SNAPC4: variants seen among roughly 807,000 people sequenced by gnomAD.
The protein encoded by SNAPC4 is snRNA-activating protein complex subunit 4.
A neutral mutation model predicts 151.3 loss-of-function variants in SNAPC4; 127 were observed. The observed-to-expected ratio is 0.84, with a 90% CI of 0.73 to 0.97. The LOEUF is 0.97. Among genes scored for constraint, SNAPC4 ranks in the 50% least tolerant of loss-of-function variants. SNAPC4 has a pLI of 0.00. For missense variants in SNAPC4, 2,186 were observed against 1,935.0 expected (o/e 1.13, Z -2.43); for synonymous variants, 1,002 against 824.4 (o/e 1.22, Z -3.69).
chr9:136,398,232 G>A (rs1588771143), intron 2 of SNAPC4, 67 bp downstream of exon 2: 2 of 1,536,748 alleles, frequency 1.3e-6, no homozygotes, highest in Middle Eastern at 2.2e-4. Flanking sequence ...ATGTGCCTGA[G>A]AGGAACCCAG....
chr9:136,394,392 C>T (rs1053356506), intron 6 of SNAPC4, 62 bp from the exon 7 acceptor site: 176 of 1,450,316 alleles, frequency 1.2e-4, no homozygotes, highest in East Asian at 5.0e-4. Context: ...CCAGCCCCCA[C>T]GGTTGGTGTG....
intron 10 of SNAPC4, among the ~76,000 whole-genome samples, chr9:136,390,886 G>A (rs1236533956): frequency 6.6e-6 from 1 of 150,980 alleles, no homozygotes; most frequent in Non-Finnish European, 1.5e-5. Flanking sequence ...CCAGGCTGGA[G>A]TGCAGTGGCG....
intron 16 of SNAPC4, 142 bp from the exon 17 acceptor site, chr9:136,382,478 C>T (rs1001499089): frequency 2.2e-5 from 16 of 728,558 alleles, no homozygotes; most frequent in African/African-American, 1.9e-4. Flanking sequence ...CTCATGGGAA[C>T]GTCCACCATG....
At chr9:136,393,393 G>C (rs1352247156) in intron 7 of SNAPC4, among the ~76,000 whole-genome samples, 1 of 152,222 alleles carries the variant, frequency 6.6e-6, no homozygotes, top group African/African-American at 2.4e-5. Context: ...AAGACAGATG[G>C]GGACCTGCTG....
Position 136,378,608 on chromosome 9 carries a change from G to T in SNAPC4, c.3219C>A (p.Pro1073=). 1 of 1,574,524 alleles carries T rather than the reference G, an allele frequency of 6.4e-7. No homozygotes were observed. Among genetic ancestry groups the T allele is most frequent in the East Asian group, 2.3e-5 (1 of 43,418 alleles). ...IGGPHVATSV[P]LPVTWVLTAQ... is the part of the protein sequence containing the mutation. ...CTGTGAGCACCCAGGTGACAGGCAG[G>T]GGGACACTGGTCGCCACATGTGGCC... The change falls in exon 22 of 24, where the codon CCC becomes CCA. Residue 1073 remains proline (P), a synonymous_variant. Transcript: ENST00000684778.
intron 19 of SNAPC4, among the ~76,000 whole-genome samples, chr9:136,381,060 C>G (rs1833671523): frequency 2.0e-5 from 3 of 152,156 alleles, no homozygotes; most frequent in Admixed American, 1.3e-4. Context: ...CTGCTCTCCT[C>G]CCCCGGCATC....
chr9:136,383,496 G>T lies in SNAPC4; in HGVS notation c.1673C>A (p.Ala558Glu). 6.4e-7 allele frequency: 1 copy of T among 1,573,440 alleles called. No individual in the cohort carries two copies. The highest frequency in any genetic ancestry group is 1.4e-5 in the African/African-American group (1 of 74,056). ...GACCATGTACTGTGGGGACAGCAGC[G>T]CTCTGTCACCCTCCCCGGCCTGCGC... ...EQAQAGEGDR[A>E]LLSPQYMVPD... Residue 558 changes from alanine (A) to glutamate (E), a missense_variant, in exon 16 of 24, where the codon GCG (alanine) becomes GAG (glutamate). Transcript: ENST00000684778. This position sits in a 1 kb window ranked among gnomAD's most constrained non-coding sequence, Gnocchi z 4.2.
chr9:136,379,025 T>G lies in SNAPC4; in HGVS notation c.2802A>C (p.Pro934=). The G allele has an allele frequency of 1.2e-6, 2 of 1,601,934 alleles. No individual in the cohort carries two copies. The highest frequency in any genetic ancestry group is 1.7e-6 in the Non-Finnish European group (2 of 1,175,188). Residue 934 remains proline (P), a synonymous_variant, in exon 22 of 24, where the codon CCA becomes CCC. Transcript: ENST00000684778. The part of the protein sequence containing the change: ...SSSVILQPPL[P]HTPHGRPAPG... Reference sequence around the variant, plus strand: ...GGGCTGGGCGGCCGTGTGGGGTGTGTGGTAGAGGGGGCTGGAGGATCACAG... The same window carrying G: ...GGGCTGGGCGGCCGTGTGGGGTGTGGGGTAGAGGGGGCTGGAGGATCACAG...
Position 136,378,948 on chromosome 9 carries a change from G to A in SNAPC4, c.2879C>T (p.Ala960Val), listed in dbSNP as rs80146914. ...GGAGCCAGAAGTGCCAGGTTTGGCT[G>A]CCGCGGGGGCCCCAGGCCCAGAGAG... is the stretch of plus-strand genomic sequence containing the variant. ...VPLSGPGAPAAAKPGTSGSWQ... is the reference protein window; with the variant it reads ...VPLSGPGAPAVAKPGTSGSWQ... Residue 960 changes from alanine to valine, a missense_variant, in exon 22 of 24, where the codon GCA (alanine) becomes GTA (valine). Physicochemically the swap from Ala to Val is moderately conservative, Grantham distance 64. Coordinates refer to ENST00000684778, the MANE Select transcript of SNAPC4 (RefSeq NM_003086.4). 2.8e-5 allele frequency: 45 copies of A among 1,609,928 alleles called. No individual in the cohort carries two copies. In the African/African-American group the frequency reaches 5.7e-4, roughly 21 times the overall value.
intron 10 of SNAPC4, among the ~76,000 whole-genome samples, chr9:136,390,472 G>A (rs1167606151): frequency 2.1e-5 from 3 of 145,708 alleles, no homozygotes; most frequent in South Asian, 4.6e-4. Context: ...GGAGAATGGC[G>A]TGAACCCGGG....
At chr9:136,387,647 CCA>C in intron 12 of SNAPC4, 68 bp from the exon 13 acceptor site, 1 of 1,418,948 alleles carries the variant, frequency 7.0e-7, no homozygotes, top group East Asian at 2.3e-5. Context: ...CACCCTGAAC[CCA>C]GTCAGAGAAG....
chr9:136,392,663 C>A lies in SNAPC4; in HGVS notation c.737+10G>T, dbSNP rs553117028. 5 of 1,607,524 alleles carry A rather than the reference C, an allele frequency of 3.1e-6. No individual in the cohort carries two copies. Among genetic ancestry groups the A allele is most frequent in the Admixed American group, 3.3e-5 (2 of 59,992 alleles). ...GGCTCCCCTGGGCCCTCCCGGGAGGCCCCCCTCACTTGATGTCCTGGATCT... is the reference window on the plus strand; with the variant it reads ...GGCTCCCCTGGGCCCTCCCGGGAGGACCCCCTCACTTGATGTCCTGGATCT... On this transcript the variant is annotated intron_variant, in intron 8 of 23. Transcript: ENST00000684778.
intron 6 of SNAPC4, 135 bp from the exon 7 acceptor site, chr9:136,394,465 G>T (rs965709773): frequency 1.3e-6 from 1 of 766,554 alleles, no homozygotes; most frequent in African/African-American, 1.7e-5. Flanking sequence ...ACCTACTGAC[G>T]TGGCCCCTCC....
chr9:136,376,296 C>T, intron 23 of SNAPC4, 53 bp downstream of exon 23: 2 of 1,597,244 alleles, frequency 1.3e-6, no homozygotes, highest in South Asian at 1.1e-5. Flanking sequence ...GCCATCTGGA[C>T]ACCACTCTGT....
intron 2 of SNAPC4, among the ~76,000 whole-genome samples, chr9:136,397,611 AGGGGAGCACGTGGGGT>A (rs1834318331): frequency 1.8e-4 from 15 of 83,738 alleles, no homozygotes; most frequent in Non-Finnish European, 1.9e-4. Context: ...GCACATGGGG[AGGGGAGCACGTGGGGT>A]GGGGAGCACG....
At position 136,377,773 on chromosome 9, in the gene SNAPC4, G is replaced by A. The variant is rs763591150; in HGVS notation, c.4054C>T (p.Arg1352Trp). 2.2e-5 allele frequency: 35 copies of A among 1,611,388 alleles called. No homozygotes were observed. Among genetic ancestry groups the A allele is most frequent in the Middle Eastern group, 3.3e-4 (2 of 6,066 alleles). Reference sequence around the variant, plus strand: ...GCCGGGTTGTCCTGGAGCTGCCCCCGCACCAGCCCCAGTGAGGCTTGCAGT... The same window carrying A: ...GCCGGGTTGTCCTGGAGCTGCCCCCACACCAGCCCCAGTGAGGCTTGCAGT... ...GALQASLGLVRGQLQDNPAYL... is the reference protein window; with the variant it reads ...GALQASLGLVWGQLQDNPAYL... The change falls in exon 22 of 24, where the codon CGG becomes TGG. Residue 1352 changes from arginine to tryptophan, a missense_variant. Physicochemically the swap from Arg to Trp is moderately radical, Grantham distance 101. Transcript: ENST00000684778.
In SNAPC4 at chr9:136,394,308, C is replaced by T. The variant is rs999344198; in HGVS notation, c.573G>A (p.Leu191=). The change falls in exon 7 of 24, where the codon TTG becomes TTA. Residue 191 remains leucine, a synonymous_variant. Coordinates refer to ENST00000684778, the MANE Select transcript of SNAPC4 (RefSeq NM_003086.4). The part of the protein sequence containing the change: ...VTKWKNWEKA[L]LRKSVVSDRL... Reference sequence around the variant, plus strand: ...GGTCACTCACCACTGACTTTCGGAGCAAGGCCTTTTCCCAGTTTTTCCCTG... The same window carrying T: ...GGTCACTCACCACTGACTTTCGGAGTAAGGCCTTTTCCCAGTTTTTCCCTG... The T allele has an allele frequency of 3.7e-6, 6 of 1,613,812 alleles. No individual in the cohort carries two copies. Among genetic ancestry groups the T allele is most frequent in the Non-Finnish European group, 4.2e-6 (5 of 1,179,976 alleles).
rs58732608 is a variant in SNAPC4 at position 136,390,554 on chromosome 9, GAAAAAAAAAA to G, written c.975+1378_975+1387del. Among the ~76,000 whole-genome samples the G allele has an allele frequency of 1.2e-4, 6 of 48,816 alleles. 1 individual carries two copies. Among genetic ancestry groups the G allele is most frequent in the East Asian group, 1.5e-3 (2 of 1,314 alleles). The allele number at this position is 48,816 out of a possible 152,430, so 32.0% of individuals were successfully genotyped here. ...TGGGCGACAGAGTGAGACTCTGTTT[GAAAAAAAAAA>G]AAAAAAAAAAAAAAGGAAAGAAAAA... is the stretch of plus-strand genomic sequence containing the variant. On this transcript the variant is annotated intron_variant, in intron 10 of 23. Transcript: ENST00000684778.
intron 13 of SNAPC4, 24 bp from the exon 14 acceptor site, chr9:136,384,838 G>A: frequency 7.2e-7 from 1 of 1,385,760 alleles, no homozygotes; most frequent in Non-Finnish European, 1.0e-6. Flanking sequence ...GAAAAGCAAA[G>A]AACGTTTTAG....
Sources: gnomAD v4.1 joint callset for allele counts (sites outside exome capture counted in the v4.1 genomes callset) on GRCh38, gnomAD v4.1.1 for gene constraint, Gnocchi (gnomAD v3.1) non-coding constraint, MANE v1.5 for transcripts, NCBI Gene and HGNC (gene_info 2026-07-23, HGNC 2026-07-21) for gene names.